The following GPHN variants were observed in gnomAD, a reference collection of about 807,000 sequenced individuals.
GPHN encodes the protein gephyrin.
Under a neutral mutation model 95.5 loss-of-function variants are expected in GPHN, and 17 were observed. That is an observed-to-expected ratio of 0.18 (90% CI 0.12 to 0.27). The LOEUF (loss-of-function observed/expected upper bound fraction) is 0.27, where lower values mean the gene tolerates loss of function less well. Among genes scored for constraint, GPHN ranks in the 10% least tolerant of loss-of-function variants. GPHN has a pLI of 1.00. For synonymous variants in GPHN, 320 were observed against 322.5 expected, an observed-to-expected ratio of 0.99 and a Z score of 0.08; for missense variants, 660 against 978.1, an observed-to-expected ratio of 0.67 and a Z score of 4.34.
chr14:67,540,854 C>T, the GPHN span, among the ~76,000 whole-genome samples: 12 of 152,166 alleles, frequency 7.9e-5, no homozygotes, highest in Non-Finnish European at 1.8e-4. Flanking sequence ...CTCTCATGCA[C>T]ACTCATGCAT....
intron 21 of GPHN, among the ~76,000 whole-genome samples, chr14:67,172,437 C>A (rs923383528): frequency 1.3e-5 from 2 of 152,120 alleles, no homozygotes; most frequent in Non-Finnish European, 2.9e-5. Context: ...ACTCTAGTAC[C>A]TAAGCTAAAG....
chr14:67,377,919 G>A, the GPHN span, among the ~76,000 whole-genome samples: 7 of 151,758 alleles, frequency 4.6e-5, no homozygotes, highest in South Asian at 2.1e-4. Context: ...ACCATCCTGG[G>A]CAGCATAGCA....
Position 66,680,423 on chromosome 14 carries a change from G to A in GPHN, c.65-684G>A, listed in dbSNP as rs961847147. Among the ~76,000 whole-genome samples the A allele has an allele frequency of 5.3e-5, 8 of 152,128 alleles. 1 individual carries two copies. Among genetic ancestry groups the A allele is most frequent in the Admixed American group, 3.3e-4 (5 of 15,278 alleles). On this transcript the variant is annotated intron_variant, in intron 1 of 22. Coordinates refer to ENST00000478722, the MANE Select transcript of GPHN (RefSeq NM_020806.5). ...TACAGGGATTATTATTTGCCCCATG[G>A]CCTGTTCTCCCAACTGCTGCCCCAA...
intron 1 of GPHN, among the ~76,000 whole-genome samples, chr14:66,519,019 T>G (rs2058369168): frequency 1.3e-5 from 2 of 151,974 alleles, no homozygotes; most frequent in South Asian, 4.1e-4. Context: ...ATGTTCAAGA[T>G]GATGGATATA....
chr14:66,697,108 C>T (rs1049589110), intron 2 of GPHN, among the ~76,000 whole-genome samples: 28 of 152,094 alleles, frequency 1.8e-4, no homozygotes, highest in African/African-American at 5.8e-4. Flanking sequence ...CTATATTTGT[C>T]CCTCACAGGA....
chr14:66,776,941 G>T (rs2059402447), intron 3 of GPHN, among the ~76,000 whole-genome samples: 1 of 151,946 alleles, frequency 6.6e-6, no homozygotes, highest in Non-Finnish European at 1.5e-5. Context: ...CAATGTGCAG[G>T]TTAGTTACAT....
intron 18 of GPHN, among the ~76,000 whole-genome samples, chr14:67,147,275 T>G (rs2080954224): frequency 6.6e-6 from 1 of 152,170 alleles, no homozygotes; most frequent in Admixed American, 6.5e-5. Context: ...AAGTGCCTAT[T>G]ACTCTCCTTT....
chr14:66,840,362 A>G (rs1300016205), intron 4 of GPHN, among the ~76,000 whole-genome samples: 4 of 152,144 alleles, frequency 2.6e-5, no homozygotes, highest in African/African-American at 7.2e-5. Context: ...ACCATGGACA[A>G]TAGTAGCAGC....
intron 2 of GPHN, among the ~76,000 whole-genome samples, chr14:66,760,263 A>G (rs2058711700): frequency 6.6e-6 from 1 of 152,226 alleles, no homozygotes; most frequent in South Asian, 2.1e-4. Context: ...AAGTGTTTAG[A>G]AGTATTATTT....
chr14:67,084,353 C>A (rs2076805621), intron 11 of GPHN, among the ~76,000 whole-genome samples: 2 of 152,082 alleles, frequency 1.3e-5, no homozygotes, highest in African/African-American at 4.8e-5. Flanking sequence ...TAGGTTTAAA[C>A]TCCCTTGATC....
chr14:67,284,547 TAAAAAAAAAAAAAAAAAA>T, the GPHN span, among the ~76,000 whole-genome samples: 435 of 23,244 alleles, frequency 0.019, 4 homozygotes, highest in African/African-American at 0.043. Context: ...GCTGCAGTGC[TAAAAAAAAAAAAAAAAAA>T]AAAAAAAAAA....
At chr14:66,918,072 T>A (rs1295775906) in intron 6 of GPHN, among the ~76,000 whole-genome samples, 2 of 152,242 alleles carry the variant, frequency 1.3e-5, no homozygotes, top group African/African-American at 2.4e-5. Flanking sequence ...AATAATTTAC[T>A]AGCATTCATG....
At chr14:67,382,489 A>G in the GPHN span, 9 of 1,613,852 alleles carry the variant, frequency 5.6e-6, no homozygotes, top group Non-Finnish European at 5.1e-6. Flanking sequence ...GACTACGACA[A>G]CCCTGGAGAG....
chr14:66,776,581 G>T (rs1190922181), intron 3 of GPHN, 60 bp downstream of exon 3: 1 of 958,790 alleles, frequency 1.0e-6, no homozygotes, highest in African/African-American at 1.6e-5. Flanking sequence ...GGGTGGGGAA[G>T]AGTTGCTTTT....
chr14:67,223,918 G>A, the GPHN span: 1 of 985,080 alleles, frequency 1.0e-6, no homozygotes, highest in Non-Finnish European at 1.2e-6. Flanking sequence ...TTTATTAAAT[G>A]TAATTGGAGT....
intron 17 of GPHN, among the ~76,000 whole-genome samples, chr14:67,133,207 T>G (rs1483644947): frequency 6.6e-6 from 1 of 152,130 alleles, no homozygotes; most frequent in Non-Finnish European, 1.5e-5. Context: ...CTCAGCTATT[T>G]TTTGTTACCT....
At chr14:67,543,209 A>G in the GPHN span, among the ~76,000 whole-genome samples, 1 of 152,244 alleles carries the variant, frequency 6.6e-6, no homozygotes, top group East Asian at 1.9e-4. Context: ...AGAATGTCAA[A>G]GTCTCAATTA....
chr14:67,658,381 T>A, the GPHN span, among the ~76,000 whole-genome samples: 14 of 151,798 alleles, frequency 9.2e-5, no homozygotes, highest in Admixed American at 1.3e-4. Context: ...GATCACAAGG[T>A]CAGGAGATGG....
At chr14:67,672,866 A>G in the GPHN span, among the ~76,000 whole-genome samples, 2 of 152,210 alleles carry the variant, frequency 1.3e-5, no homozygotes. Flanking sequence ...AAGGCCCTAC[A>G]TGATCTGGCC....
Sources: allele counts gnomAD v4.1 joint callset (sites outside exome capture counted in the v4.1 genomes callset), GRCh38; gene constraint gnomAD v4.1.1; transcripts MANE v1.5; gene names NCBI Gene and HGNC (gene_info 2026-07-23, HGNC 2026-07-21).